Variants in NHSL1 observed in about 807,000 individuals in gnomAD.
NHSL1 encodes the protein NHS like 1.
NHSL1 carries 48 observed loss-of-function variants against 95.0 expected under a neutral mutation model. The ratio of observed to expected loss-of-function variants is 0.51; its 90% CI spans 0.40 to 0.64. The LOEUF is 0.64. Ranked by LOEUF, NHSL1 falls within the 30% of genes least tolerant of loss-of-function variation. The pLI, the probability that NHSL1 is intolerant of heterozygous loss-of-function variation, is 0.00. For synonymous variants in NHSL1, 783 were observed against 833.9 expected (o/e 0.94, Z 1.05); for missense variants, 1,971 against 2,077.7 (o/e 0.95, Z 1.00).
chr6:138,554,528 G>T (rs112286516), intron 1 of NHSL1, among the ~76,000 whole-genome samples: 69 of 152,244 alleles, frequency 4.5e-4, no homozygotes, highest in African/African-American at 1.5e-3. Context: ...AGCGTAACTG[G>T]ACTATAATTA....
rs35482505 is a variant in NHSL1 at position 138,598,627 on chromosome 6, G to GAAA, written c.96+93846_96+93848dup. On this transcript the variant is annotated intron_variant, in intron 1 of 3. Coordinates refer to the NHSL1 transcript ENST00000491526. The stretch of plus-strand genomic sequence containing the variant: ...CAACAAAGCAAGACTTCATCTGGAA[G>GAAA]AAAAAAAAAAAAAAAAAAAAGCAGC... Among the ~76,000 whole-genome samples, 82 of 86,742 alleles carry GAAA rather than the reference G, an allele frequency of 9.5e-4. 1 individual carries two copies. Among genetic ancestry groups the GAAA allele is most frequent in the East Asian group, 2.3e-3 (7 of 3,078 alleles). The allele number at this position is 86,742 out of a possible 152,430, so 56.9% of individuals were successfully genotyped here.
At chr6:138,490,843 A>T (rs997603698) in intron 2 of NHSL1, among the ~76,000 whole-genome samples, 11 of 152,198 alleles carry the variant, frequency 7.2e-5, no homozygotes, top group Admixed American at 2.6e-4. Context: ...CATGTTGGCC[A>T]GGATGGTATC....
rs552001569 is a variant in NHSL1, at chr6:138,422,459, A to G, written c.*1622T>C. The G allele has an allele frequency of 5.3e-5, 8 of 152,292 alleles. No homozygotes were observed. The South Asian group carries it at 1.2e-3, about 24-fold the overall frequency. The allele number at this position is 152,292 out of a possible 1,614,324, so 9.4% of individuals were successfully genotyped here. A position where few individuals can be genotyped will look rare whatever the true frequency, so the allele number is the denominator to read the frequency against. The stretch of plus-strand genomic sequence containing the variant: ...AGTTTATAAGTCTCATAATGATTTG[A>G]CCCATGCAGTCCAACTTTTAGATAG... On this transcript the variant is annotated 3_prime_UTR_variant, in exon 8 of 8. Transcript: ENST00000343505.
upstream of NHSL1, chr6:138,545,721 TCCTCAGCGCTC>T: frequency 7.9e-7 from 1 of 1,269,300 alleles, no homozygotes; most frequent in Non-Finnish European, 1.0e-6. Context: ...CCAGCCCACC[TCCTCAGCGCTC>T]ACTGCCAGAG....
intron 1 of NHSL1, among the ~76,000 whole-genome samples, chr6:138,675,797 G>A (rs762743757): frequency 2.6e-5 from 4 of 152,140 alleles, no homozygotes; most frequent in African/African-American, 9.7e-5. Flanking sequence ...GCTTCCCAAA[G>A]TGCTGGGATT....
At chr6:138,497,366 T>C (rs993089796) in intron 1 of NHSL1, among the ~76,000 whole-genome samples, 1 of 152,156 alleles carries the variant, frequency 6.6e-6, no homozygotes, top group African/African-American at 2.4e-5. Flanking sequence ...TTGCTTGAGG[T>C]AGCAAGTCTA....
chr6:138,474,481 TA>T (rs201257174), intron 2 of NHSL1, among the ~76,000 whole-genome samples: 13 of 145,318 alleles, frequency 8.9e-5, no homozygotes, highest in South Asian at 4.4e-4. Flanking sequence ...AGCCAGGGGA[TA>T]AAAAAAAAAG....
intron 1 of NHSL1, among the ~76,000 whole-genome samples, chr6:138,525,151 C>T (rs1233059284): frequency 2.0e-5 from 3 of 151,982 alleles, no homozygotes; most frequent in East Asian, 1.9e-4. Flanking sequence ...ATGATAGGGT[C>T]GCACTAGTTG....
chr6:138,583,721 T>C (rs1784093772), intron 1 of NHSL1, among the ~76,000 whole-genome samples: 1 of 152,180 alleles, frequency 6.6e-6, no homozygotes. Context: ...TGAACTCAAG[T>C]TTCTTTACTG....
intron 1 of NHSL1, among the ~76,000 whole-genome samples, chr6:138,517,814 G>A (rs1486102485): frequency 6.6e-6 from 1 of 152,208 alleles, no homozygotes; most frequent in African/African-American, 2.4e-5. Context: ...CACTGAAGCA[G>A]CTCCCAGAGC....
At chr6:138,498,921 T>A (rs1278779424) in intron 1 of NHSL1, among the ~76,000 whole-genome samples, 1 of 152,194 alleles carries the variant, frequency 6.6e-6, no homozygotes, top group Non-Finnish European at 1.5e-5. Flanking sequence ...TCAAAGGACT[T>A]CTTTTGAAAA....
chr6:138,626,222 C>A (rs570129432), intron 1 of NHSL1, among the ~76,000 whole-genome samples: 11 of 152,312 alleles, frequency 7.2e-5, no homozygotes, highest in Non-Finnish European at 1.6e-4. Flanking sequence ...AACAACCATC[C>A]AGTCCTGCCT....
Position 138,442,111 on chromosome 6 carries a change from T to A in NHSL1, c.536A>T (p.Glu179Val), listed in dbSNP as rs1382617895. ...AAGGCTGGCCTGGCGATCGAAATTCTCCCCTAATGTAGAGTAGTAGAACAA... is the reference window on the plus strand; with the variant it reads ...AAGGCTGGCCTGGCGATCGAAATTCACCCCTAATGTAGAGTAGTAGAACAA... ...ADVVPINITG[E>V]NFDRQASLRR... Residue 179 changes from glutamate to valine, a missense_variant, in exon 5 of 8, where the codon GAG becomes GTG. Glu to Val is a moderately radical substitution (Grantham distance 121). Coordinates refer to ENST00000343505, the MANE Select transcript of NHSL1 (RefSeq NM_001144060.2). The A allele has an allele frequency of 6.5e-7, 1 of 1,548,862 alleles. No homozygotes were observed.
chr6:138,480,100 T>C (rs1199578313), intron 2 of NHSL1, among the ~76,000 whole-genome samples: 1 of 152,156 alleles, frequency 6.6e-6, no homozygotes. Context: ...ACTTCTTAGA[T>C]TGCGTGAGAA....
chr6:138,581,641 G>A (rs1309560585), intron 1 of NHSL1, among the ~76,000 whole-genome samples: 1 of 142,856 alleles, frequency 7.0e-6, no homozygotes, highest in African/African-American at 2.7e-5. Context: ...GCTGTGAGCC[G>A]AGATCATGCC....
intron 5 of NHSL1, among the ~76,000 whole-genome samples, chr6:138,437,385 T>C (rs542057550): frequency 1.2e-5 from 1 of 84,868 alleles, no homozygotes; most frequent in African/African-American, 5.9e-5. Flanking sequence ...CATATATATA[T>C]ACACATATAT....
chr6:138,468,457 C>A (rs1778532844), intron 3 of NHSL1, among the ~76,000 whole-genome samples: 1 of 152,212 alleles, frequency 6.6e-6, no homozygotes, highest in Admixed American at 6.5e-5. Flanking sequence ...GTCAAGCAAG[C>A]ATTACTGCCT....
At chr6:138,618,081 G>A (rs1227828124) in intron 1 of NHSL1, among the ~76,000 whole-genome samples, 4 of 152,168 alleles carry the variant, frequency 2.6e-5, no homozygotes, top group East Asian at 1.9e-4. Context: ...TATATGCCAC[G>A]ATTTTATAAG....
chr6:138,640,649 A>T (rs1449373395), intron 1 of NHSL1, among the ~76,000 whole-genome samples: 2 of 152,172 alleles, frequency 1.3e-5, no homozygotes, highest in African/African-American at 2.4e-5. Context: ...TATATGTAAC[A>T]TGCAAATCCG....
Sources: allele counts gnomAD v4.1 joint callset (sites outside exome capture counted in the v4.1 genomes callset), GRCh38; gene constraint gnomAD v4.1.1; transcripts MANE v1.5; gene names NCBI Gene and HGNC (gene_info 2026-07-23, HGNC 2026-07-21).